The following PDE11A variants were observed in gnomAD, a reference collection of about 807,000 sequenced individuals.
PDE11A encodes dual 3',5'-cyclic-AMP and -GMP phosphodiesterase 11A.
In PDE11A, 100 loss-of-function variants were observed where a neutral mutation model predicts 100.5. The ratio of observed to expected loss-of-function variants is 1.00; its 90% CI spans 0.85 to 1.18. PDE11A has a LOEUF of 1.18. Among genes scored for constraint, PDE11A ranks in the 50% most tolerant of loss-of-function variants. The pLI is 0.00. For missense variants in PDE11A, 1,141 were observed against 1,152.6 expected (o/e 0.99, Z 0.15); for synonymous variants, 381 against 420.8 (o/e 0.91, Z 1.16).
chr2:178,083,099 ATTT>A (rs71870174), intron 2 of PDE11A, among the ~76,000 whole-genome samples: 3 of 138,786 alleles, frequency 2.2e-5, no homozygotes, highest in Non-Finnish European at 1.6e-5. Context: ...TAAAACTAAA[ATTT>A]TTTTTTTTTT....
intron 19 of PDE11A, among the ~76,000 whole-genome samples, chr2:177,654,380 G>T (rs2080351317): frequency 6.6e-6 from 1 of 152,162 alleles, no homozygotes; most frequent in Non-Finnish European, 1.5e-5. Context: ...AATTAGTCAG[G>T]TGTGGTGGCG....
At chr2:177,778,724 T>C (rs573564167) in intron 9 of PDE11A, among the ~76,000 whole-genome samples, 2 of 152,320 alleles carry the variant, frequency 1.3e-5, no homozygotes, top group African/African-American at 4.8e-5. Context: ...TGAAGAACCA[T>C]ACTCCAGGAT....
At chr2:177,695,424 T>G (rs1468509161) in intron 15 of PDE11A, among the ~76,000 whole-genome samples, 1 of 152,216 alleles carries the variant, frequency 6.6e-6, no homozygotes, top group Non-Finnish European at 1.5e-5. Context: ...TAACTATCTA[T>G]TCTAAAAAAG....
At chr2:177,759,125 G>C (rs2082135908) in intron 10 of PDE11A, among the ~76,000 whole-genome samples, 1 of 151,878 alleles carries the variant, frequency 6.6e-6, no homozygotes, top group African/African-American at 2.4e-5. Flanking sequence ...TGTAAAGCCA[G>C]AGTTGAAACT....
intron 15 of PDE11A, among the ~76,000 whole-genome samples, chr2:177,694,862 T>C (rs1206997489): frequency 6.6e-6 from 1 of 152,170 alleles, no homozygotes; most frequent in Non-Finnish European, 1.5e-5. Context: ...GTGCCTTCTT[T>C]TTCATAGTTG....
chr2:177,885,201 A>AGAGT (rs1553486005), intron 4 of PDE11A, among the ~76,000 whole-genome samples: 9 of 149,406 alleles, frequency 6.0e-5, no homozygotes, highest in African/African-American at 2.2e-4. Flanking sequence ...TAATGATGTG[A>AGAGT]GTGTGTGTGT....
rs545124848 is a variant in PDE11A, at chr2:178,052,401, G to A, written c.912+19125C>T. Among the ~76,000 whole-genome samples, 31 of 152,166 alleles carry A rather than the reference G, an allele frequency of 2.0e-4. 1 individual carries two copies. The South Asian group carries it at 6.4e-3, about 32-fold the overall frequency. On this transcript the variant is annotated intron_variant, in intron 1 of 19. Transcript: ENST00000286063. ...AAATTTATAGCACTAAATGCCCATA[G>A]GAGAAAGCAGGAAAGATCTAAAATT...
At chr2:177,681,940 C>G (rs2080872127) in intron 15 of PDE11A, among the ~76,000 whole-genome samples, 1 of 152,212 alleles carries the variant, frequency 6.6e-6, no homozygotes, top group African/African-American at 2.4e-5. Flanking sequence ...GCAAAGCTGT[C>G]TCTTTTGGAG....
At chr2:178,078,734 T>C (rs572323463) in intron 2 of PDE11A, among the ~76,000 whole-genome samples, 81 of 152,330 alleles carry the variant, frequency 5.3e-4, no homozygotes, top group African/African-American at 1.8e-3. Context: ...TTTCTATATA[T>C]TTGGAGATTC....
In PDE11A at chr2:177,935,057, AATAT is replaced by A. The variant is rs146044990; in HGVS notation, c.1072-29874_1072-29871del. On this transcript the variant is annotated intron_variant, in intron 2 of 19. Coordinates refer to ENST00000286063, the MANE Select transcript of PDE11A (RefSeq NM_016953.4). ...TGTACCCCAAACCTCAGCATTTTAC[AATAT>A]ACCCAGGTAACAAAACTGGACATGT... 2.0e-3 allele frequency among the ~76,000 whole-genome samples: 302 copies of A among 152,282 alleles called. 7 individuals are homozygous for A. In the East Asian group the frequency reaches 0.046, roughly 23 times the overall value.
chr2:178,036,837 G>A (rs2086620829), intron 1 of PDE11A, among the ~76,000 whole-genome samples: 1 of 152,080 alleles, frequency 6.6e-6, no homozygotes. Context: ...AACAGAAACT[G>A]GACCCCTTCC....
chr2:177,643,554 C>T (rs1191979975), intron 19 of PDE11A, among the ~76,000 whole-genome samples: 1 of 152,092 alleles, frequency 6.6e-6, no homozygotes, highest in Non-Finnish European at 1.5e-5. Flanking sequence ...TGAAACACAG[C>T]ATAAAAGTTT....
chr2:177,942,602 A>T (rs1259930725), intron 2 of PDE11A, among the ~76,000 whole-genome samples: 1 of 152,076 alleles, frequency 6.6e-6, no homozygotes, highest in Non-Finnish European at 1.5e-5. Context: ...GGGTTTCACC[A>T]TGTTGGTCAG....
At chr2:177,952,394 T>C (rs1195796927) in intron 2 of PDE11A, among the ~76,000 whole-genome samples, 2 of 152,242 alleles carry the variant, frequency 1.3e-5, no homozygotes, top group African/African-American at 4.8e-5. Context: ...CTCCCCTGTC[T>C]TATCTAAGTG....
At chr2:178,081,914 T>A (rs1157974170) in intron 2 of PDE11A, among the ~76,000 whole-genome samples, 1 of 152,256 alleles carries the variant, frequency 6.6e-6, no homozygotes, top group Non-Finnish European at 1.5e-5. Context: ...TAAATATGTA[T>A]CAGAGACTAC....
intron 10 of PDE11A, among the ~76,000 whole-genome samples, chr2:177,736,152 C>A (rs901758774): frequency 6.6e-6 from 1 of 151,848 alleles, no homozygotes; most frequent in South Asian, 2.1e-4. Flanking sequence ...TTTGAAAGAA[C>A]CAGGGAAAAA....
At chr2:178,067,632 G>A (rs1187681630) in intron 1 of PDE11A, among the ~76,000 whole-genome samples, 1 of 152,090 alleles carries the variant, frequency 6.6e-6, no homozygotes, top group Non-Finnish European at 1.5e-5. Flanking sequence ...CTTTCATTAT[G>A]AGCCCAGTCA....
intron 5 of PDE11A, among the ~76,000 whole-genome samples, chr2:177,846,108 G>A (rs1046523303): frequency 1.4e-4 from 22 of 152,190 alleles, no homozygotes; most frequent in African/African-American, 4.8e-4. Context: ...ATGCAGAATC[G>A]TAACACTGAG....
intron 12 of PDE11A, among the ~76,000 whole-genome samples, chr2:177,713,351 T>C (rs2081384891): frequency 6.6e-6 from 1 of 152,184 alleles, no homozygotes; most frequent in Non-Finnish European, 1.5e-5. Flanking sequence ...CACTGCTACA[T>C]TTAGAAATAC....
Sources: gnomAD v4.1 joint callset for allele counts (sites outside exome capture counted in the v4.1 genomes callset) on GRCh38, gnomAD v4.1.1 for gene constraint, MANE v1.5 for transcripts, NCBI Gene and HGNC (gene_info 2026-07-23, HGNC 2026-07-21) for gene names.